Variants in MATN3 observed in about 807,000 individuals in gnomAD.
MATN3 encodes matrilin 3.
In MATN3, 48 loss-of-function variants were observed where a neutral mutation model predicts 45.3. The observed-to-expected ratio is 1.06, with a 90% CI of 0.84 to 1.35. The LOEUF is 1.35. Among genes scored for constraint, MATN3 ranks in the 40% most tolerant of loss-of-function variants. The probability of loss-of-function intolerance (pLI) is 0.00; values close to 1 mark genes in which losing one functional copy is unlikely to be tolerated. For synonymous variants in MATN3, 217 were observed against 245.9 expected (o/e 0.88, Z 1.10); for missense variants, 599 against 628.0 (o/e 0.95, Z 0.49).
chr2:20,012,518 C>G lies in MATN3; in HGVS notation c.114G>C (p.Arg38Ser). Reference sequence around the variant, plus strand: ...TGCCCCCGGGACCTCGGGTCTCCAGCCTCCGGAAGCCCGGGCGGGCCACGG... The same window carrying G: ...TGCCCCCGGGACCTCGGGTCTCCAGGCTCCGGAAGCCCGGGCGGGCCACGG... ...PDPVARPGFR[R>S]LETRGPGGSP... Residue 38 changes from arginine to serine, a missense_variant, in exon 1 of 8, where the codon AGG becomes AGC. Physicochemically the swap from Arg to Ser is moderately radical, Grantham distance 110. Coordinates refer to ENST00000407540, the MANE Select transcript of MATN3 (RefSeq NM_002381.5). The surrounding 1 kb of genome is among the most constrained non-coding windows in gnomAD (Gnocchi z 4.3). The G allele has an allele frequency of 4.1e-6, 5 of 1,227,828 alleles. No individual in the cohort carries two copies. Among genetic ancestry groups the G allele is most frequent in the Non-Finnish European group, 5.1e-6 (5 of 985,596 alleles). The allele number at this position is 1,227,828 out of a possible 1,614,324, so 76.1% of individuals were successfully genotyped here.
chr2:20,006,179 C>T lies in MATN3; in HGVS notation c.355G>A (p.Asp119Asn), dbSNP rs772861123. 66 of 1,613,836 alleles carry T rather than the reference C, an allele frequency of 4.1e-5. No homozygotes were observed. The highest frequency in any genetic ancestry group is 5.4e-5 in the Non-Finnish European group (64 of 1,179,876). ...IIDTLDIGPA[D>N]TRVAVVNYAS... is the part of the protein sequence containing the mutation. ...TAGTTCACCACTGCCACCCGCGTGT[C>T]GGCTGGCCCAATGTCCAGAGTGTCG... is the stretch of plus-strand genomic sequence containing the variant. Residue 119 changes from aspartate to asparagine, a missense_variant, in exon 2 of 8, where the codon GAC (aspartate) becomes AAC (asparagine). By Grantham distance (23) the Asp-to-Asn change is conservative. Coordinates refer to ENST00000407540, the MANE Select transcript of MATN3 (RefSeq NM_002381.5).
chr2:20,006,216 G>A lies in MATN3; in HGVS notation c.318C>T (p.Val106=). The A allele has an allele frequency of 1.2e-6, 2 of 1,613,316 alleles. No homozygotes were observed. Among genetic ancestry groups the A allele is most frequent in the Non-Finnish European group, 1.7e-6 (2 of 1,179,640 alleles). The change falls in exon 2 of 8, where the codon GTC becomes GTT. Residue 106 remains valine, a synonymous_variant. Coordinates refer to ENST00000407540, the MANE Select transcript of MATN3 (RefSeq NM_002381.5). ...TGTCCAGAGTGTCGATTATCCGGGAGACAAAAGTTTTCACTTTGGTGAATT... is the reference window on the plus strand; with the variant it reads ...TGTCCAGAGTGTCGATTATCCGGGAAACAAAAGTTTTCACTTTGGTGAATT... ...PLEFTKVKTF[V]SRIIDTLDIG...
chr2:20,006,945 T>C (rs559930738), intron 1 of MATN3, among the ~76,000 whole-genome samples: 39 of 152,208 alleles, frequency 2.6e-4, no homozygotes, highest in East Asian at 3.9e-4. Context: ...GAGCCAGGCG[T>C]GGTGGCTCAT....
intron 5 of MATN3, among the ~76,000 whole-genome samples, chr2:19,998,433 C>A (rs1672922576): frequency 2.0e-5 from 3 of 152,104 alleles, no homozygotes; most frequent in Admixed American, 1.3e-4. Context: ...TGTTCCCCAG[C>A]TTTATAGCAG....
Position 20,012,334 on chromosome 2 carries a change from T to G in MATN3, c.223+75A>C, listed in dbSNP as rs1395357364. The G allele has an allele frequency of 8.8e-7, 1 of 1,137,188 alleles. No homozygotes were observed. The highest frequency in any genetic ancestry group is 1.1e-6 in the Non-Finnish European group (1 of 903,940). The allele number at this position is 1,137,188 out of a possible 1,614,324, so 70.4% of individuals were successfully genotyped here. A position where few individuals can be genotyped will look rare whatever the true frequency, so the allele number is the denominator to read the frequency against. ...CACCACGGTCGGCCTGAGGCCGGGA[T>G]GAAGCGCGCTTGGTGGATGCCCTGG... On this transcript the variant is annotated intron_variant, in intron 1 of 7. Transcript: ENST00000407540. This position sits in a 1 kb window ranked among gnomAD's most constrained non-coding sequence, Gnocchi z 4.3.
chr2:20,001,133 G>T (rs889035160), intron 4 of MATN3, among the ~76,000 whole-genome samples: 2 of 152,010 alleles, frequency 1.3e-5, no homozygotes, highest in South Asian at 2.1e-4. Context: ...TTATGAAAAG[G>T]TTGCAAAAAC....
intron 6 of MATN3, 90 bp downstream of exon 6, chr2:19,997,042 GAA>G: frequency 5.8e-6 from 8 of 1,371,368 alleles, no homozygotes; most frequent in Non-Finnish European, 7.1e-6. Flanking sequence ...CAGGGAGAAA[GAA>G]TCACAACTGT....
rs761802421 is a variant in MATN3 at position 19,995,503 on chromosome 2, C to A, written c.1295-1094G>T. Among the ~76,000 whole-genome samples the A allele has an allele frequency of 2.6e-5, 4 of 152,258 alleles. No individual in the cohort carries two copies. The highest frequency in any genetic ancestry group is 5.9e-5 in the Non-Finnish European group (4 of 68,020). On this transcript the variant is annotated intron_variant, in intron 6 of 7. Transcript: ENST00000407540. This position sits in a 1 kb window ranked among gnomAD's most constrained non-coding sequence, Gnocchi z 4.2. ...AAAAACCAGGTTAAGTCCTGATTTC[C>A]TCTAGAGGACTGTTATTCTATTTAA...
chr2:19,992,917 A>C lies in MATN3; in HGVS notation c.*194T>G. 1.7e-6 allele frequency: 1 copy of C among 584,474 alleles called. No homozygotes were observed. Among genetic ancestry groups the C allele is most frequent in the South Asian group, 2.2e-5 (1 of 45,294 alleles). 36.2% of individuals were successfully genotyped at this position (584,474 alleles called of 1,614,324 possible). A position where few individuals can be genotyped will look rare whatever the true frequency, so the allele number is the denominator to read the frequency against. On this transcript the variant is annotated 3_prime_UTR_variant, in exon 8 of 8. Transcript: ENST00000407540. ...AAGTTTGCTCTTAATAAGTATCTGC[A>C]TATGTATTTCCTTGGAAGAATCATG...
intron 1 of MATN3, among the ~76,000 whole-genome samples, chr2:20,009,903 A>G (rs1048906533): frequency 1.3e-5 from 2 of 151,960 alleles, no homozygotes; most frequent in Non-Finnish European, 2.9e-5. Context: ...GACCAAACCA[A>G]TGTATTTCTT....
rs536589495 is a variant in MATN3, at chr2:19,992,237, A to G, written c.*874T>C. 6.6e-6 allele frequency: 1 copy of G among 152,272 alleles called. No homozygotes were observed. The highest frequency in any genetic ancestry group is 2.1e-4 in the South Asian group (1 of 4,830). The allele number at this position is 152,272 out of a possible 1,614,324, so 9.4% of individuals were successfully genotyped here. A position where few individuals can be genotyped will look rare whatever the true frequency, so the allele number is the denominator to read the frequency against. On this transcript the variant is annotated 3_prime_UTR_variant, in exon 8 of 8. Coordinates refer to ENST00000407540, the MANE Select transcript of MATN3 (RefSeq NM_002381.5). Reference sequence around the variant, plus strand: ...CAAGTTTCAAAGCCAAAAGAATTATATGTATCAAATATATAAGTAAAAAAA... The same window carrying G: ...CAAGTTTCAAAGCCAAAAGAATTATGTGTATCAAATATATAAGTAAAAAAA...
At chr2:20,010,066 C>CAAAAAAAAAAAAAAAA (rs1558376342) in intron 1 of MATN3, among the ~76,000 whole-genome samples, 2 of 5,554 alleles carry the variant, frequency 3.6e-4, no homozygotes, top group Non-Finnish European at 5.0e-4. Context: ...TCTTCAAATA[C>CAAAAAAAAAAAAAAAA]TAAAAAAAAA....
chr2:20,007,113 C>T (rs559613383), intron 1 of MATN3, among the ~76,000 whole-genome samples: 3 of 152,190 alleles, frequency 2.0e-5, no homozygotes, highest in African/African-American at 7.2e-5. Context: ...GAGACTGAGG[C>T]AGGAGAATGG....
chr2:20,002,929 C>T (rs1673015110), intron 3 of MATN3, among the ~76,000 whole-genome samples: 1 of 152,144 alleles, frequency 6.6e-6, no homozygotes, highest in African/African-American at 2.4e-5. Context: ...AGCCTTTTCT[C>T]CTACGATTTT....
intron 1 of MATN3, among the ~76,000 whole-genome samples, chr2:20,009,731 A>G (rs1673179791): frequency 6.6e-6 from 1 of 152,170 alleles, no homozygotes; most frequent in African/African-American, 2.4e-5. Flanking sequence ...CTTCAAAAGA[A>G]CATTGGTCTT....
At position 20,005,981 on chromosome 2, in the gene MATN3, A is replaced by G. The variant is rs756307320; in HGVS notation, c.553T>C (p.Ser185Pro). ...ATGATGGCCACCTTAGGGATGTTAG[A>G]AGAGGGCTCTCGAGCCCCTGCCTCC... is the stretch of plus-strand genomic sequence containing the variant. ...TVEAGAREPS[S>P]NIPKVAIIVT... The change falls in exon 2 of 8, where the codon TCT becomes CCT. Residue 185 changes from serine (S) to proline (P), a missense_variant. Transcript: ENST00000407540. 6.2e-7 allele frequency: 1 copy of G among 1,613,982 alleles called. No individual in the cohort carries two copies. The highest frequency in any genetic ancestry group is 8.5e-7 in the Non-Finnish European group (1 of 1,179,882).
At position 19,995,985 on chromosome 2, in the gene MATN3, C is replaced by T. The variant is rs1024449886; in HGVS notation, c.1294+1149G>A. ...GGAAGTATCTATTGAAGATCAACTA[C>T]ATGTCCATTATCCCTGTACCCATAA... On this transcript the variant is annotated intron_variant, in intron 6 of 7. Coordinates refer to ENST00000407540, the MANE Select transcript of MATN3 (RefSeq NM_002381.5). This position sits in a 1 kb window ranked among gnomAD's most constrained non-coding sequence, Gnocchi z 4.2. Among the ~76,000 whole-genome samples the T allele has an allele frequency of 2.0e-5, 3 of 152,186 alleles. No individual in the cohort carries two copies. Among genetic ancestry groups the T allele is most frequent in the Non-Finnish European group, 4.4e-5 (3 of 68,036 alleles).
At position 20,012,592 on chromosome 2, in the gene MATN3, G is replaced by A; in HGVS notation, c.40C>T (p.Leu14Phe). The stretch of plus-strand genomic sequence containing the variant: ...AGCAGCAGCGGCCAGAGCAGCAGGA[G>A]GAGTCCCGGGAGGCGGCGCGCGGGG... ...PAPARRLPGL[L>F]LLLWPLLLLP... Residue 14 changes from leucine (L) to phenylalanine (F), a missense_variant, in exon 1 of 8, where the codon CTC becomes TTC. Leu to Phe is a conservative substitution (Grantham distance 22). Coordinates refer to ENST00000407540, the MANE Select transcript of MATN3 (RefSeq NM_002381.5). This position sits in a 1 kb window ranked among gnomAD's most constrained non-coding sequence, Gnocchi z 4.3. 1 of 1,223,208 alleles carries A rather than the reference G, an allele frequency of 8.2e-7. No homozygotes were observed. The highest frequency in any genetic ancestry group is 1.0e-6 in the Non-Finnish European group (1 of 982,974). 75.8% of individuals were successfully genotyped at this position (1,223,208 alleles called of 1,614,324 possible).
intron 1 of MATN3, among the ~76,000 whole-genome samples, chr2:20,011,848 A>G (rs1166092447): frequency 6.6e-6 from 1 of 152,192 alleles, no homozygotes; most frequent in Non-Finnish European, 1.5e-5. Context: ...TCAGGAATCA[A>G]TTGCTGACCA....
Sources: allele counts gnomAD v4.1 joint callset (sites outside exome capture counted in the v4.1 genomes callset), GRCh38; gene constraint gnomAD v4.1.1; non-coding constraint Gnocchi (gnomAD v3.1); transcripts MANE v1.5; gene names NCBI Gene and HGNC (gene_info 2026-07-23, HGNC 2026-07-21).